Variants in PRKAR1A observed in about 807,000 individuals in gnomAD.
The protein encoded by PRKAR1A is cAMP-dependent protein kinase type I-alpha regulatory subunit.
A neutral mutation model predicts 52.0 loss-of-function variants in PRKAR1A; 3 were observed. That is an observed-to-expected ratio of 0.06 (90% CI 0.03 to 0.15). The LOEUF (loss-of-function observed/expected upper bound fraction) is 0.15. Among genes scored for constraint, PRKAR1A ranks in the 10% least tolerant of loss-of-function variants. The pLI, the probability that PRKAR1A is intolerant of heterozygous loss-of-function variation, is 1.00. For missense variants in PRKAR1A, 240 were observed against 477.4 expected (o/e 0.50, Z 4.63); for synonymous variants, 188 against 168.4 (o/e 1.12, Z -0.90).
At chr17:68,467,845 G>A in the PRKAR1A span, among the ~76,000 whole-genome samples, 2 of 152,228 alleles carry the variant, frequency 1.3e-5, no homozygotes, top group East Asian at 1.9e-4. Context: ...AGCTTCGGCC[G>A]GGGATCTCTA....
intron 11 of PRKAR1A, chr17:68,540,094 C>T: frequency 1.3e-6 from 1 of 775,412 alleles, no homozygotes; most frequent in South Asian, 1.5e-5. Flanking sequence ...GAAGCTGGGC[C>T]TCACACTGTC....
At chr17:68,519,856 C>T (rs1307563839) in intron 2 of PRKAR1A, among the ~76,000 whole-genome samples, 1 of 152,174 alleles carries the variant, frequency 6.6e-6, no homozygotes, top group Non-Finnish European at 1.5e-5. Flanking sequence ...TACATAAATA[C>T]TCGTTATTTC....
the PRKAR1A span, among the ~76,000 whole-genome samples, chr17:68,505,914 G>T: frequency 1.8e-3 from 275 of 152,298 alleles, 2 homozygotes; most frequent in African/African-American, 5.7e-3. Flanking sequence ...TGTATGGAGG[G>T]TTGATGAGGT....
In PRKAR1A at chr17:68,528,396, T is replaced by G. The variant is rs548769204; in HGVS notation, c.770-474T>G. Among the ~76,000 whole-genome samples, 270 of 152,346 alleles carry G rather than the reference T, an allele frequency of 1.8e-3. 2 individuals carry two copies. The highest frequency in any genetic ancestry group is 6.1e-3 in the African/African-American group (255 of 41,588). On this transcript the variant is annotated intron_variant, in intron 8 of 10. Transcript: ENST00000589228. ...TTTTCTTTGAATTGGTTACATATGC[T>G]TTGTGTTTTGGATAGTAGTTTGGCC...
the PRKAR1A span, among the ~76,000 whole-genome samples, chr17:68,483,175 A>G: frequency 6.6e-6 from 1 of 152,010 alleles, no homozygotes; most frequent in Non-Finnish European, 1.5e-5. Flanking sequence ...GGTTCATACA[A>G]ATCATCAAAT....
chr17:68,420,550 C>T, the PRKAR1A span: 1 of 1,438,942 alleles, frequency 6.9e-7, no homozygotes, highest in Non-Finnish European at 9.6e-7. Flanking sequence ...TTTACAAACA[C>T]ACGCTTTAGT....
the PRKAR1A span, among the ~76,000 whole-genome samples, chr17:68,493,914 C>G: frequency 6.6e-6 from 1 of 152,108 alleles, no homozygotes; most frequent in Non-Finnish European, 1.5e-5. Flanking sequence ...TTAATAGTAT[C>G]TATTTCCTAC....
At chr17:68,467,552 C>T in the PRKAR1A span, among the ~76,000 whole-genome samples, 38 of 152,166 alleles carry the variant, frequency 2.5e-4, no homozygotes, top group Non-Finnish European at 4.7e-4. Flanking sequence ...GTGCTCGATG[C>T]CCCAGCATTC....
At chr17:68,425,512 C>A in the PRKAR1A span, among the ~76,000 whole-genome samples, 1 of 151,744 alleles carries the variant, frequency 6.6e-6, no homozygotes, top group Non-Finnish European at 1.5e-5. Flanking sequence ...TGAGCCACCG[C>A]ACCCGGCCAC....
At chr17:68,546,209 C>T (rs1381034943) in intron 11 of PRKAR1A, among the ~76,000 whole-genome samples, 1 of 145,116 alleles carries the variant, frequency 6.9e-6, no homozygotes, top group East Asian at 2.0e-4. Context: ...GCAACTCTAT[C>T]TGTTCAAGTT....
At chr17:68,427,191 T>G in the PRKAR1A span, 48 of 1,614,164 alleles carry the variant, frequency 3.0e-5, no homozygotes, top group African/African-American at 5.7e-4. Flanking sequence ...TGCATAAGAC[T>G]GAGGTAAGGA....
At chr17:68,542,032 A>C (rs775043701) in intron 11 of PRKAR1A, 2 of 1,614,154 alleles carry the variant, frequency 1.2e-6, no homozygotes. Context: ...GGTTGGGCAC[A>C]GACAGCCTGG....
chr17:68,453,117 A>AT, the PRKAR1A span: 4 of 668,220 alleles, frequency 6.0e-6, no homozygotes. Context: ...AGGAGCTTAG[A>AT]TCCTTGGTAA....
chr17:68,477,974 C>T, the PRKAR1A span, among the ~76,000 whole-genome samples: 2 of 152,284 alleles, frequency 1.3e-5, no homozygotes, highest in East Asian at 3.9e-4. Context: ...CCGCCTGCCT[C>T]AGCCTCCCAA....
chr17:68,513,757 C>T (rs1353391688), intron 1 of PRKAR1A, among the ~76,000 whole-genome samples: 2 of 152,154 alleles, frequency 1.3e-5, no homozygotes, highest in African/African-American at 2.4e-5. Context: ...TGTCCTATTA[C>T]CGGTGGCTAT....
chr17:68,543,273 G>A (rs1475323467), intron 11 of PRKAR1A, among the ~76,000 whole-genome samples: 2 of 152,128 alleles, frequency 1.3e-5, no homozygotes, highest in Non-Finnish European at 2.9e-5. Context: ...GGAATGTTTA[G>A]GAATGTGCTT....
At chr17:68,489,186 G>GTATATATATA in the PRKAR1A span, among the ~76,000 whole-genome samples, 2 of 11,092 alleles carry the variant, frequency 1.8e-4, no homozygotes, top group Non-Finnish European at 3.3e-4. Flanking sequence ...ATCTTGGAAA[G>GTATATATATA]TATATATATA....
the PRKAR1A span, among the ~76,000 whole-genome samples, chr17:68,425,182 T>C: frequency 6.6e-6 from 1 of 152,190 alleles, no homozygotes; most frequent in African/African-American, 2.4e-5. Context: ...CTGCACCTGC[T>C]GCCCTCCACA....
the PRKAR1A span, among the ~76,000 whole-genome samples, chr17:68,451,095 A>G: frequency 6.6e-6 from 1 of 152,204 alleles, no homozygotes; most frequent in African/African-American, 2.4e-5. Flanking sequence ...ACCCTCTCCC[A>G]GGGAGCACTT....
Sources: allele counts gnomAD v4.1 joint callset (sites outside exome capture counted in the v4.1 genomes callset), GRCh38; gene constraint gnomAD v4.1.1; transcripts MANE v1.5; gene names NCBI Gene and HGNC (gene_info 2026-07-23, HGNC 2026-07-21).